The following ZSCAN25 variants were observed in gnomAD, a reference collection of about 807,000 sequenced individuals.
ZSCAN25 encodes the protein zinc finger and SCAN domain containing 25.
A neutral mutation model predicts 38.7 loss-of-function variants in ZSCAN25; 27 were observed. The observed-to-expected ratio is 0.70, with a 90% confidence interval of 0.51 to 0.96. The LOEUF (loss-of-function observed/expected upper bound fraction) is 0.96, where lower values mean the gene tolerates loss of function less well. Ranked by LOEUF, ZSCAN25 falls within the 40% of genes least tolerant of loss-of-function variation. The probability of loss-of-function intolerance (pLI) is 0.00; values close to 1 mark genes in which losing one functional copy is unlikely to be tolerated. For synonymous variants in ZSCAN25, 273 were observed against 277.7 expected (o/e 0.98, Z 0.17); for missense variants, 637 against 705.9 (o/e 0.90, Z 1.11).
the ZSCAN25 span, among the ~76,000 whole-genome samples, chr7:99,701,470 C>A: frequency 6.6e-6 from 1 of 152,184 alleles, no homozygotes; most frequent in Non-Finnish European, 1.5e-5. Flanking sequence ...GGTTTATACC[C>A]AGCACCGGGA....
At chr7:99,735,270 C>A in the ZSCAN25 span, 1 of 798,152 alleles carries the variant, frequency 1.3e-6, no homozygotes, top group Non-Finnish European at 2.0e-6. Flanking sequence ...AGTAGCAGGG[C>A]CCCCGTGCTC....
chr7:99,703,898 ACCCAGTTTGT>A, the ZSCAN25 span, among the ~76,000 whole-genome samples: 2 of 151,732 alleles, frequency 1.3e-5, no homozygotes, highest in African/African-American at 4.8e-5. Flanking sequence ...CCACATGAAC[ACCCAGTTTGT>A]CCTCATCCTA....
At chr7:99,681,843 T>A in the ZSCAN25 span, among the ~76,000 whole-genome samples, 4 of 152,386 alleles carry the variant, frequency 2.6e-5, no homozygotes, top group Non-Finnish European at 5.9e-5. Flanking sequence ...TTGCTTTGGT[T>A]GCCTGTGCTT....
At chr7:99,638,316 C>T in the ZSCAN25 span, 20 of 1,605,938 alleles carry the variant, frequency 1.2e-5, no homozygotes, top group Admixed American at 1.7e-5. Flanking sequence ...GGAGGGCTGC[C>T]CATACCAGTT....
the ZSCAN25 span, chr7:99,707,900 A>G: frequency 6.2e-7 from 1 of 1,614,058 alleles, no homozygotes; most frequent in Non-Finnish European, 8.5e-7. Context: ...CCTCATGCCA[A>G]TGCAGTTTCT....
the ZSCAN25 span, among the ~76,000 whole-genome samples, chr7:99,684,204 C>T: frequency 1.1e-4 from 16 of 145,404 alleles, no homozygotes; most frequent in Middle Eastern, 3.9e-3. Flanking sequence ...GAATCTCACT[C>T]TGTCACCCAG....
the ZSCAN25 span, chr7:99,730,928 T>G: frequency 1.6e-6 from 2 of 1,232,142 alleles, no homozygotes; most frequent in Non-Finnish European, 2.3e-6. Context: ...ACGCTCTGGG[T>G]GATGCCTACA....
At position 99,630,289 on chromosome 7, in the gene ZSCAN25, T is replaced by C. The variant is rs1267201376; in HGVS notation, c.*269T>C. Reference sequence around the variant, plus strand: ...TTCAGGCTGAGATTTTCTCCTTCAGTGGACTGTCTGTGTCCCCCTGCCGAA... The same window carrying C: ...TTCAGGCTGAGATTTTCTCCTTCAGCGGACTGTCTGTGTCCCCCTGCCGAA... On this transcript the variant is annotated 3_prime_UTR_variant, in exon 8 of 8. Coordinates refer to ENST00000394152, the MANE Select transcript of ZSCAN25 (RefSeq NM_145115.3). The C allele has an allele frequency of 1.2e-5, 15 of 1,263,358 alleles. No individual in the cohort carries two copies. Among genetic ancestry groups the C allele is most frequent in the Non-Finnish European group, 1.5e-5 (15 of 1,003,398 alleles). The allele number at this position is 1,263,358 out of a possible 1,614,324, so 78.3% of individuals were successfully genotyped here.
At chr7:99,703,411 T>C in the ZSCAN25 span, among the ~76,000 whole-genome samples, 1 of 152,204 alleles carries the variant, frequency 6.6e-6, no homozygotes, top group East Asian at 1.9e-4. Flanking sequence ...TGCTCATTGC[T>C]ATTGAAATGT....
chr7:99,666,656 A>G, the ZSCAN25 span: 5 of 1,613,952 alleles, frequency 3.1e-6, no homozygotes, highest in Admixed American at 1.7e-5. Context: ...TTTCTCACCA[A>G]TACATCTCCA....
the ZSCAN25 span, among the ~76,000 whole-genome samples, chr7:99,641,793 A>G: frequency 6.6e-6 from 1 of 152,188 alleles, no homozygotes; most frequent in Non-Finnish European, 1.5e-5. Context: ...ACAGAGACGG[A>G]CAACTCCCAC....
In ZSCAN25 at chr7:99,631,207, C is replaced by T; in HGVS notation, c.*1187C>T. 1.0e-6 allele frequency: 1 copy of T among 985,438 alleles called. No individual in the cohort carries two copies. The highest frequency in any genetic ancestry group is 4.7e-5 in the South Asian group (1 of 21,286). The allele number at this position is 985,438 out of a possible 1,614,324, so 61.0% of individuals were successfully genotyped here. ...TGCCCTGAAATGCATTTGTCACCTA[C>T]CTCTTGTTACTAAATGGTCTCTGCC... On this transcript the variant is annotated 3_prime_UTR_variant, in exon 8 of 8. Coordinates refer to ENST00000394152, the MANE Select transcript of ZSCAN25 (RefSeq NM_145115.3).
chr7:99,717,840 G>A, the ZSCAN25 span, among the ~76,000 whole-genome samples: 1 of 152,174 alleles, frequency 6.6e-6, no homozygotes, highest in African/African-American at 2.4e-5. Flanking sequence ...GTATATCCCA[G>A]TCTCCTTTTA....
chr7:99,652,674 T>C, the ZSCAN25 span: 8 of 1,614,036 alleles, frequency 5.0e-6, no homozygotes, highest in African/African-American at 6.7e-5. Flanking sequence ...ACATCTTTCT[T>C]GCAAGTCCTC....
the ZSCAN25 span, among the ~76,000 whole-genome samples, chr7:99,724,376 A>T: frequency 6.6e-6 from 1 of 152,306 alleles, no homozygotes; most frequent in South Asian, 2.1e-4. Flanking sequence ...AAAAATGGGC[A>T]AATGGTCTGA....
chr7:99,687,645 C>G, the ZSCAN25 span, among the ~76,000 whole-genome samples: 24 of 152,282 alleles, frequency 1.6e-4, 1 homozygote, highest in Admixed American at 8.5e-4. Context: ...GGCAGGCCAA[C>G]ATTCAGATTC....
At chr7:99,673,032 A>C in the ZSCAN25 span, 1 of 289,514 alleles carries the variant, frequency 3.5e-6, no homozygotes, top group South Asian at 1.2e-4. Flanking sequence ...AATGTTTTAT[A>C]TGTTTAAAAT....
At chr7:99,705,483 A>G in the ZSCAN25 span, 1 of 1,612,776 alleles carries the variant, frequency 6.2e-7, no homozygotes, top group Non-Finnish European at 8.5e-7. Flanking sequence ...AGAGCAAACC[A>G]GAAGTCCTTA....
downstream of ZSCAN25, among the ~76,000 whole-genome samples, chr7:99,636,471 A>G (rs190488786): frequency 1.5e-3 from 233 of 152,312 alleles, no homozygotes; most frequent in African/African-American, 5.2e-3. Flanking sequence ...TACACTTCTC[A>G]TACGTCTTTG....
Sources: gnomAD v4.1 joint callset for allele counts (sites outside exome capture counted in the v4.1 genomes callset) on GRCh38, gnomAD v4.1.1 for gene constraint, MANE v1.5 for transcripts, NCBI Gene and HGNC (gene_info 2026-07-23, HGNC 2026-07-21) for gene names.